SEMA3D: variants seen among roughly 807,000 people sequenced by gnomAD.
SEMA3D encodes the protein semaphorin 3D.
In SEMA3D, 84 loss-of-function variants were observed where a neutral mutation model predicts 100.1. That is an observed-to-expected ratio of 0.84 (90% CI 0.70 to 1.01). SEMA3D has a LOEUF of 1.01. Among genes scored for constraint, SEMA3D ranks in the 50% least tolerant of loss-of-function variants. The pLI, the probability that SEMA3D is intolerant of heterozygous loss-of-function variation, is 0.00. For synonymous variants in SEMA3D, 312 were observed against 320.7 expected, an observed-to-expected ratio of 0.97 and a Z score of 0.29; for missense variants, 875 against 934.1, an observed-to-expected ratio of 0.94 and a Z score of 0.82.
At chr7:85,234,221 A>T in the SEMA3D span, among the ~76,000 whole-genome samples, 2 of 152,208 alleles carry the variant, frequency 1.3e-5, no homozygotes, top group Non-Finnish European at 2.9e-5. Flanking sequence ...ACCTGCCAAG[A>T]TGAAGGGCTT....
rs137966702 is a variant in SEMA3D, at chr7:85,087,231, A to G, written c.313-5652T>C. Among the ~76,000 whole-genome samples the G allele has an allele frequency of 1.5e-3, 224 of 152,366 alleles. 2 individuals are homozygous for G. The highest frequency in any genetic ancestry group is 5.2e-3 in the African/African-American group (218 of 41,590). ...TATCAAAGAGAGTCATACCAGAAAC[A>G]GAGATGCCATTGCCTAATGGCCAGA... is the stretch of plus-strand genomic sequence containing the variant. On this transcript the variant is annotated intron_variant, in intron 4 of 18. Transcript: ENST00000284136.
chr7:85,033,405 G>A (rs997465163), intron 12 of SEMA3D, among the ~76,000 whole-genome samples: 5 of 152,026 alleles, frequency 3.3e-5, no homozygotes, highest in Non-Finnish European at 5.9e-5. Flanking sequence ...TTTAAGCCTC[G>A]CATGACATTC....
chr7:85,052,530 C>G (rs937854421), intron 9 of SEMA3D, among the ~76,000 whole-genome samples: 1 of 151,922 alleles, frequency 6.6e-6, no homozygotes, highest in Non-Finnish European at 1.5e-5. Context: ...ACTGTCACAA[C>G]GCTGCCTGAA....
intron 12 of SEMA3D, among the ~76,000 whole-genome samples, chr7:85,027,356 G>A (rs12707696): frequency 0.38 from 57,703 of 151,770 alleles, 12,026 homozygotes; most frequent in African/African-American, 0.57. Flanking sequence ...ATAGCAAAAA[G>A]GGGGAACAAT....
chr7:85,143,998 A>C (rs1225989678), intron 2 of SEMA3D, among the ~76,000 whole-genome samples: 2 of 152,124 alleles, frequency 1.3e-5, no homozygotes, highest in Non-Finnish European at 2.9e-5. Context: ...GGCATGAGGC[A>C]CCGAGCCTGG....
rs780517203 is a variant in SEMA3D, at chr7:85,092,747, A to G, written c.312+5058T>C. Among the ~76,000 whole-genome samples the G allele has an allele frequency of 2.3e-4, 35 of 152,070 alleles. 1 individual carries two copies. Among genetic ancestry groups the G allele is most frequent in the Non-Finnish European group, 4.4e-4 (30 of 67,968 alleles). On this transcript the variant is annotated intron_variant, in intron 4 of 18. Transcript: ENST00000284136. ...TCTTTCTTATCAATGTCACACCCCT[A>G]AAACAGTCAAAATACTAAAGGGAGA...
intron 8 of SEMA3D, among the ~76,000 whole-genome samples, chr7:85,065,163 A>G (rs888095934): frequency 6.6e-6 from 1 of 152,190 alleles, no homozygotes; most frequent in African/African-American, 2.4e-5. Flanking sequence ...GATATATCCC[A>G]GATGTCATTG....
intron 7 of SEMA3D, 102 bp from the exon 8 acceptor site, chr7:85,065,654 T>C: frequency 1.2e-6 from 1 of 833,902 alleles, no homozygotes; most frequent in Admixed American, 2.4e-5. Context: ...TGTTTGTTTC[T>C]TAATATCAGA....
chr7:85,056,540 T>TA (rs1562799623), intron 8 of SEMA3D, among the ~76,000 whole-genome samples: 1 of 151,232 alleles, frequency 6.6e-6, no homozygotes, highest in African/African-American at 2.4e-5. Flanking sequence ...TTTATATACA[T>TA]ATAGCATATA....
intron 9 of SEMA3D, among the ~76,000 whole-genome samples, chr7:85,052,155 T>C (rs1294068310): frequency 6.6e-6 from 1 of 152,008 alleles, no homozygotes; most frequent in Non-Finnish European, 1.5e-5. Flanking sequence ...CTCTTAGTGC[T>C]TATCTCTTTG....
intron 1 of SEMA3D, among the ~76,000 whole-genome samples, chr7:85,172,087 A>T (rs188559194): frequency 5.3e-5 from 8 of 152,144 alleles, no homozygotes; most frequent in African/African-American, 1.9e-4. Flanking sequence ...GAGTACAAGA[A>T]ACATTTTACA....
At chr7:85,242,871 T>C in the SEMA3D span, among the ~76,000 whole-genome samples, 1 of 152,244 alleles carries the variant, frequency 6.6e-6, no homozygotes, top group East Asian at 1.9e-4. Context: ...CCTGATTTTT[T>C]ACCTTTAGTA....
At chr7:85,153,072 C>A (rs1247705598) in intron 2 of SEMA3D, among the ~76,000 whole-genome samples, 1 of 152,142 alleles carries the variant, frequency 6.6e-6, no homozygotes, top group Non-Finnish European at 1.5e-5. Flanking sequence ...AGGAACTCTG[C>A]CATTCTCATA....
intron 5 of SEMA3D, among the ~76,000 whole-genome samples, chr7:85,074,330 T>A (rs900387029): frequency 2.0e-5 from 3 of 152,108 alleles, no homozygotes; most frequent in African/African-American, 7.2e-5. Flanking sequence ...CTAGGAGGAA[T>A]ATATTAAAAA....
At chr7:85,175,252 G>T (rs146803761) in intron 1 of SEMA3D, among the ~76,000 whole-genome samples, 178 of 152,224 alleles carry the variant, frequency 1.2e-3, no homozygotes, top group African/African-American at 3.8e-3. Flanking sequence ...CCTGAAATAT[G>T]AAAAGACACG....
intron 2 of SEMA3D, chr7:85,141,210 C>T (rs528356347): frequency 2.8e-5 from 27 of 981,568 alleles, no homozygotes; most frequent in Non-Finnish European, 3.3e-5. Context: ...CACATATTAA[C>T]CCCCTCTCTT....
At chr7:85,186,093 T>C (rs1231456708) in intron 1 of SEMA3D, among the ~76,000 whole-genome samples, 1 of 152,182 alleles carries the variant, frequency 6.6e-6, no homozygotes, top group East Asian at 1.9e-4. Flanking sequence ...CCCATTCCTC[T>C]TCCAAAACGC....
At chr7:85,171,620 A>G (rs920973455) in intron 1 of SEMA3D, among the ~76,000 whole-genome samples, 11 of 152,004 alleles carry the variant, frequency 7.2e-5, no homozygotes, top group African/African-American at 2.4e-4. Context: ...GGTCCCTTGA[A>G]TAACACCTAA....
In SEMA3D at chr7:85,135,804, A is replaced by G. The variant is rs1789848570; in HGVS notation, c.-40-13873T>C. 2.0e-5 allele frequency among the ~76,000 whole-genome samples: 3 copies of G among 151,280 alleles called. No individual in the cohort carries two copies. The South Asian group carries it at 6.2e-4, about 31-fold the overall frequency. ...GTAAAAAAAAAAAAAAAATTATAATAAGAAAATGATATTTCAATGGGATTA... is the reference window on the plus strand; with the variant it reads ...GTAAAAAAAAAAAAAAAATTATAATGAGAAAATGATATTTCAATGGGATTA... On this transcript the variant is annotated intron_variant, in intron 2 of 18. Transcript: ENST00000284136.
Sources: allele counts gnomAD v4.1 joint callset (sites outside exome capture counted in the v4.1 genomes callset), GRCh38; gene constraint gnomAD v4.1.1; transcripts MANE v1.5; gene names NCBI Gene and HGNC (gene_info 2026-07-23, HGNC 2026-07-21).